PHKB: variants seen among roughly 807,000 people sequenced by gnomAD.
The protein encoded by PHKB is phosphorylase kinase regulatory subunit beta, also known as phosphorylase b kinase regulatory subunit beta.
PHKB carries 122 observed loss-of-function variants against 152.1 expected under a neutral mutation model. That is an observed-to-expected ratio of 0.80 (90% CI 0.69 to 0.93). The LOEUF (loss-of-function observed/expected upper bound fraction) is 0.93, where lower values mean the gene tolerates loss of function less well. Among genes scored for constraint, PHKB ranks in the 40% least tolerant of loss-of-function variants. The pLI, the probability that PHKB is intolerant of heterozygous loss-of-function variation, is 0.00. For missense variants in PHKB, 1,304 were observed against 1,328.4 expected (o/e 0.98, Z 0.29); for synonymous variants, 436 against 464.9 (o/e 0.94, Z 0.80).
rs1035250362 is a variant in PHKB at position 47,497,242 on chromosome 16, T to A, written c.77-157T>A. 2.0e-5 allele frequency among the ~76,000 whole-genome samples: 3 copies of A among 152,334 alleles called. No individual in the cohort carries two copies. The East Asian group carries it at 5.8e-4, about 29-fold the overall frequency. On this transcript the variant is annotated intron_variant, in intron 1 of 30. Transcript: ENST00000323584. ...CAAAGGTACTTTATTCCCCCTCTTG[T>A]TCCCCCAGCAAGAAGGTTTACAAGT...
Position 47,511,046 on chromosome 16 carries a change from G to A in PHKB, c.406-619G>A, listed in dbSNP as rs185825275. ...CAGAGTTTTTCTGTTGGATTATTTAGGTATTTACTTATTCTAAAATGGTAA... is the reference window on the plus strand; with the variant it reads ...CAGAGTTTTTCTGTTGGATTATTTAAGTATTTACTTATTCTAAAATGGTAA... On this transcript the variant is annotated intron_variant, in intron 4 of 30. Transcript: ENST00000323584. 2.6e-5 allele frequency among the ~76,000 whole-genome samples: 4 copies of A among 152,168 alleles called. No homozygotes were observed. In the East Asian group the frequency reaches 7.7e-4, roughly 29 times the overall value.
chr16:47,485,757 C>T (rs1357052823), intron 1 of PHKB, among the ~76,000 whole-genome samples: 1 of 152,062 alleles, frequency 6.6e-6, no homozygotes, highest in Non-Finnish European at 1.5e-5. Flanking sequence ...GTAGCTAGGA[C>T]TACAGGCGTG....
intron 7 of PHKB, chr16:47,566,670 G>T: frequency 1.2e-6 from 1 of 864,652 alleles, no homozygotes; most frequent in Non-Finnish European, 2.0e-6. Flanking sequence ...AGCCCCTGGA[G>T]CAGTGGGAAG....
At position 47,684,696 on chromosome 16, in the gene PHKB, G is replaced by T. The variant is rs186165002; in HGVS notation, c.2631-4345G>T. 9.9e-5 allele frequency among the ~76,000 whole-genome samples: 15 copies of T among 152,168 alleles called. 1 individual carries two copies. Among genetic ancestry groups the T allele is most frequent in the Admixed American group, 6.5e-4 (10 of 15,286 alleles). ...GCAGGAGAATGGCGTGAGCCCGGGA[G>T]GCAGAGCTTGCAGTGAGCCGAGATC... On this transcript the variant is annotated intron_variant, in intron 26 of 30. Coordinates refer to ENST00000323584, the MANE Select transcript of PHKB (RefSeq NM_000293.3).
At chr16:47,488,390 G>A (rs1050967805) in intron 1 of PHKB, among the ~76,000 whole-genome samples, 2 of 152,086 alleles carry the variant, frequency 1.3e-5, no homozygotes, top group Non-Finnish European at 2.9e-5. Context: ...TCTCTAGATT[G>A]TCTGTTTGCT....
In PHKB at chr16:47,665,937, C is replaced by A. The variant is rs748946278; in HGVS notation, c.2427+962C>A. Reference sequence around the variant, plus strand: ...CATCTGGCCTGCTCTCTTCTTTGCCCCCAGGTCGGTTGTACGCCGTGCAGC... The same window carrying A: ...CATCTGGCCTGCTCTCTTCTTTGCCACCAGGTCGGTTGTACGCCGTGCAGC... On this transcript the variant is annotated intron_variant, in intron 25 of 30. Transcript: ENST00000323584. 13 of 1,610,450 alleles carry A rather than the reference C, an allele frequency of 8.1e-6. No homozygotes were observed. The South Asian group carries it at 1.4e-4, about 18-fold the overall frequency.
In PHKB at chr16:47,700,804, G is replaced by A. The variant is rs1382299547; in HGVS notation, c.*1438G>A. The stretch of plus-strand genomic sequence containing the variant: ...CTTATTTGTAGTGTTTTGAAAGGAT[G>A]TAAGAAAGGATGAGTGGCTTCAGTA... On this transcript the variant is annotated 3_prime_UTR_variant, in exon 31 of 31. Transcript: ENST00000323584. 6.6e-6 allele frequency: 1 copy of A among 152,142 alleles called. No individual in the cohort carries two copies. Among genetic ancestry groups the A allele is most frequent in the Non-Finnish European group, 1.5e-5 (1 of 68,030 alleles). 9.4% of individuals were successfully genotyped at this position (152,142 alleles called of 1,614,324 possible). A position where few individuals can be genotyped will look rare whatever the true frequency, so the allele number is the denominator to read the frequency against.
intron 14 of PHKB, among the ~76,000 whole-genome samples, chr16:47,619,942 C>T (rs1972588583): frequency 6.6e-6 from 1 of 152,078 alleles, no homozygotes; most frequent in Non-Finnish European, 1.5e-5. Flanking sequence ...AGTTCTATAG[C>T]AAATGGACTT....
intron 26 of PHKB, among the ~76,000 whole-genome samples, chr16:47,678,577 A>G (rs1443190740): frequency 6.6e-6 from 1 of 151,972 alleles, no homozygotes; most frequent in East Asian, 1.9e-4. Flanking sequence ...TCTTTTGAGA[A>G]GTGTCTGTTC....
At chr16:47,551,260 TGA>T (rs1971265740) in intron 7 of PHKB, among the ~76,000 whole-genome samples, 1 of 152,148 alleles carries the variant, frequency 6.6e-6, no homozygotes, top group Non-Finnish European at 1.5e-5. Flanking sequence ...TGCTAGCTTT[TGA>T]ATTTGTTTGC....
At chr16:47,671,793 G>A (rs917463798) in intron 26 of PHKB, among the ~76,000 whole-genome samples, 1 of 152,096 alleles carries the variant, frequency 6.6e-6, no homozygotes, top group African/African-American at 2.4e-5. Context: ...CAACCTAGAT[G>A]TTCATTAGTA....
intron 6 of PHKB, among the ~76,000 whole-genome samples, chr16:47,516,080 A>T (rs1970591865): frequency 6.6e-6 from 1 of 152,060 alleles, no homozygotes; most frequent in African/African-American, 2.4e-5. Flanking sequence ...GGCATGTGCC[A>T]CTACGCCTGG....
chr16:47,661,916 CCTT>C (rs1191692914), intron 23 of PHKB, 116 bp downstream of exon 23: 1 of 761,498 alleles, frequency 1.3e-6, no homozygotes, highest in East Asian at 2.5e-5. Flanking sequence ...TTTCATTAAA[CCTT>C]CTTTTTCACT....
At chr16:47,511,207 C>G (rs1340605990) in intron 4 of PHKB, among the ~76,000 whole-genome samples, 1 of 152,114 alleles carries the variant, frequency 6.6e-6, no homozygotes, top group African/African-American at 2.4e-5. Context: ...ATTTGCGACC[C>G]TTAGAGAAAG....
At chr16:47,581,251 AG>A (rs948361296) in intron 8 of PHKB, among the ~76,000 whole-genome samples, 4 of 152,342 alleles carry the variant, frequency 2.6e-5, no homozygotes, top group African/African-American at 9.6e-5. Context: ...ATATTAATGC[AG>A]CCACCTCTCT....
At chr16:47,470,259 A>T (rs1969741926) in intron 1 of PHKB, among the ~76,000 whole-genome samples, 1 of 152,248 alleles carries the variant, frequency 6.6e-6, no homozygotes, top group South Asian at 2.1e-4. Context: ...TTCTGTAGAT[A>T]TTAAATTAAC....
At chr16:47,510,878 A>T (rs1027349947) in intron 4 of PHKB, among the ~76,000 whole-genome samples, 11 of 152,290 alleles carry the variant, frequency 7.2e-5, no homozygotes, top group Non-Finnish European at 1.2e-4. Flanking sequence ...CTAGAGGTAT[A>T]TATCTTTGAA....
intron 16 of PHKB, among the ~76,000 whole-genome samples, chr16:47,642,747 A>T (rs1973047095): frequency 2.0e-5 from 3 of 152,266 alleles, no homozygotes; most frequent in Admixed American, 6.5e-5. Context: ...GGTCACCAAG[A>T]GCACCAGCTC....
At chr16:47,642,257 T>C (rs1973038439) in intron 16 of PHKB, among the ~76,000 whole-genome samples, 1 of 152,166 alleles carries the variant, frequency 6.6e-6, no homozygotes. Context: ...ACCTCTTTGG[T>C]TTGCTGGGTC....
Sources: allele counts gnomAD v4.1 joint callset (sites outside exome capture counted in the v4.1 genomes callset), GRCh38; gene constraint gnomAD v4.1.1; transcripts MANE v1.5; gene names NCBI Gene and HGNC (gene_info 2026-07-23, HGNC 2026-07-21).